The following DNMT3A variants were observed in gnomAD, a reference collection of about 807,000 sequenced individuals.
DNMT3A encodes the protein DNA methyltransferase 3 alpha.
In DNMT3A, 267 loss-of-function variants were observed where a neutral mutation model predicts 117.6. The observed-to-expected ratio is 2.27, with a 90% CI of 2.05 to 2.51. The LOEUF is 2.51. DNMT3A is among the 30% of genes most tolerant of loss of function. DNMT3A has a pLI of 0.00. For missense variants in DNMT3A, 1,029 were observed against 1,260.2 expected (o/e 0.82, Z 2.78); for synonymous variants, 432 against 474.8 (o/e 0.91, Z 1.17).
At chr2:25,280,063 G>C (rs1305001958) in intron 4 of DNMT3A, among the ~76,000 whole-genome samples, 1 of 152,040 alleles carries the variant, frequency 6.6e-6, no homozygotes, top group African/African-American at 2.4e-5. Flanking sequence ...AAGATTCTAA[G>C]GAAGATCCAC....
intron 1 of DNMT3A, among the ~76,000 whole-genome samples, chr2:25,318,168 C>T (rs561835839): frequency 6.6e-6 from 1 of 152,276 alleles, no homozygotes; most frequent in East Asian, 1.9e-4. Flanking sequence ...TTTAAGGATG[C>T]CAATACCAAC....
intron 1 of DNMT3A, among the ~76,000 whole-genome samples, chr2:25,318,022 A>C (rs1351408295): frequency 6.6e-6 from 1 of 152,172 alleles, no homozygotes; most frequent in Non-Finnish European, 1.5e-5. Context: ...GGCATGAGCC[A>C]CCGCGCCGGC....
At chr2:25,341,681 C>G in intron 1 of DNMT3A, 145 bp downstream of exon 1, 1 of 549,790 alleles carries the variant, frequency 1.8e-6, no homozygotes, top group Non-Finnish European at 2.3e-6. Context: ...AGTCCCGGCC[C>G]CACGGGCGCC....
rs942458220 is a variant in DNMT3A, at chr2:25,237,091, A to C, written c.2409-86T>G. 3 of 1,347,166 alleles carry C rather than the reference A, an allele frequency of 2.2e-6. No homozygotes were observed. In the South Asian group the frequency reaches 3.8e-5, roughly 17 times the overall value. 83.5% of individuals were successfully genotyped at this position (1,347,166 alleles called of 1,614,324 possible). A position where few individuals can be genotyped will look rare whatever the true frequency, so the allele number is the denominator to read the frequency against. ...GCTGCACGACTCCCCTCCCTCCCCCAGCAGCCACTAGTTCACAGGGTAAGA... is the reference window on the plus strand; with the variant it reads ...GCTGCACGACTCCCCTCCCTCCCCCCGCAGCCACTAGTTCACAGGGTAAGA... On this transcript the variant is annotated intron_variant, in intron 20 of 22. Coordinates refer to ENST00000321117, the MANE Select transcript of DNMT3A (RefSeq NM_022552.5). This position sits in a 1 kb window ranked among gnomAD's most constrained non-coding sequence, Gnocchi z 5.4.
rs2031894978 is a variant in DNMT3A at position 25,281,672 on chromosome 2, T to C, written c.448+769A>G. 5 of 1,065,524 alleles carry C rather than the reference T, an allele frequency of 4.7e-6. No individual in the cohort carries two copies. In the Admixed American group the frequency reaches 1.6e-4, roughly 34 times the overall value. The allele number at this position is 1,065,524 out of a possible 1,614,324, so 66.0% of individuals were successfully genotyped here. On this transcript the variant is annotated intron_variant, in intron 4 of 22. Coordinates refer to ENST00000321117, the MANE Select transcript of DNMT3A (RefSeq NM_022552.5). This position sits in a 1 kb window ranked among gnomAD's most constrained non-coding sequence, Gnocchi z 4.8. ...GTATGAGAAAGCGCTTTGTAAACTGTGAAGCCCTGTACAAATGCTAGTTGT... is the reference window on the plus strand; with the variant it reads ...GTATGAGAAAGCGCTTTGTAAACTGCGAAGCCCTGTACAAATGCTAGTTGT...
rs1672932283 is a variant in DNMT3A at position 25,232,677 on chromosome 2, A to C, written c.*1602T>G. The C allele has an allele frequency of 6.1e-6, 1 of 163,336 alleles. No homozygotes were observed. The highest frequency in any genetic ancestry group is 1.3e-4 in the East Asian group (1 of 7,590). The allele number at this position is 163,336 out of a possible 1,614,324, so 10.1% of individuals were successfully genotyped here. A position where few individuals can be genotyped will look rare whatever the true frequency, so the allele number is the denominator to read the frequency against. On this transcript the variant is annotated 3_prime_UTR_variant, in exon 23 of 23. Coordinates refer to ENST00000321117, the MANE Select transcript of DNMT3A (RefSeq NM_022552.5). The surrounding 1 kb of genome is among the most constrained non-coding windows in gnomAD (Gnocchi z 4.1). ...CCCGAGGGGTGGGAGCCAGGGCACC[A>C]GAGCCACCGCTAACTCAGAAGCACC... is the stretch of plus-strand genomic sequence containing the variant.
intron 6 of DNMT3A, among the ~76,000 whole-genome samples, chr2:25,258,324 G>A (rs886188006): frequency 3.9e-5 from 6 of 152,202 alleles, no homozygotes; most frequent in African/African-American, 9.7e-5. Context: ...GGAGAGGAGC[G>A]GCATTTGGGC....
At chr2:25,269,718 T>TC (rs2030697776) in intron 6 of DNMT3A, among the ~76,000 whole-genome samples, 1 of 152,116 alleles carries the variant, frequency 6.6e-6, no homozygotes, top group Non-Finnish European at 1.5e-5. Flanking sequence ...AGTAAGCAGG[T>TC]GAAGGAACAG....
Position 25,243,670 on chromosome 2 carries a change from C to G in DNMT3A, c.1936+228G>C, listed in dbSNP as rs141272943. On this transcript the variant is annotated intron_variant, in intron 16 of 22. Coordinates refer to ENST00000321117, the MANE Select transcript of DNMT3A (RefSeq NM_022552.5). ...GGCTGAATCTTCCTTACTAAGGAAG[C>G]GCCCAGCAGGCAGGCTGCTTTACCA... 2.0e-5 allele frequency among the ~76,000 whole-genome samples: 3 copies of G among 152,346 alleles called. No individual in the cohort carries two copies. In the South Asian group the frequency reaches 6.2e-4, roughly 32 times the overall value.
intron 22 of DNMT3A, among the ~76,000 whole-genome samples, chr2:25,235,430 C>T (rs1269328131): frequency 6.6e-6 from 1 of 152,136 alleles, no homozygotes; most frequent in Non-Finnish European, 1.5e-5. Context: ...GGTGATCCAC[C>T]CGCCTCGGCC....
At chr2:25,328,305 G>A (rs1465541543) in intron 1 of DNMT3A, among the ~76,000 whole-genome samples, 3 of 152,092 alleles carry the variant, frequency 2.0e-5, no homozygotes, top group East Asian at 1.9e-4. Context: ...CGCAGCCTCC[G>A]CCCACTGCTC....
At chr2:25,324,151 A>G (rs1008752224) in intron 1 of DNMT3A, among the ~76,000 whole-genome samples, 5 of 152,220 alleles carry the variant, frequency 3.3e-5, no homozygotes, top group African/African-American at 4.8e-5. Context: ...ACAGTATTCA[A>G]TGCCCTGCCC....
chr2:25,315,172 C>A (rs893127094), intron 1 of DNMT3A, among the ~76,000 whole-genome samples: 1 of 152,198 alleles, frequency 6.6e-6, no homozygotes, highest in African/African-American at 2.4e-5. Flanking sequence ...TTCCCCAGCT[C>A]CCCCTCCCTC....
Position 25,241,611 on chromosome 2 carries a change from TG to T in DNMT3A, c.2032del (p.Gln678ArgfsTer27). Reference protein sequence around the residue: ...DSITVGMVRHQGKIMYVGDVR... With the variant: ...DSITVGMVRHXGKIMYVGDVR... ...GTCCCCGACGTACATGATCTTCCCC[TG>T]GTGCCGCACCATGCCCACCGTGATG... On this transcript the variant is annotated frameshift_variant, in exon 17 of 23. Transcript: ENST00000321117. LOFTEE classifies it high-confidence loss of function. 6.2e-7 allele frequency: 1 copy of T among 1,613,850 alleles called. No individual in the cohort carries two copies. Among genetic ancestry groups the T allele is most frequent in the Non-Finnish European group, 8.5e-7 (1 of 1,179,918 alleles).
In DNMT3A at chr2:25,231,102, A is replaced by G. The variant is rs1382949023; in HGVS notation, c.*3177T>C. On this transcript the variant is annotated 3_prime_UTR_variant, in exon 23 of 23. Coordinates refer to ENST00000321117, the MANE Select transcript of DNMT3A (RefSeq NM_022552.5). ...AGTGGCTTGGGAGAGCCTGAGCCTT[A>G]GAAGACTCTGTCCTGACCCTGGGAG... 6.6e-6 allele frequency: 1 copy of G among 152,374 alleles called. No individual in the cohort carries two copies. The highest frequency in any genetic ancestry group is 2.4e-5 in the African/African-American group (1 of 41,464). The allele number at this position is 152,374 out of a possible 1,614,324, so 9.4% of individuals were successfully genotyped here.
Position 25,337,135 on chromosome 2 carries a change from A to G in DNMT3A, c.-178+4691T>C, listed in dbSNP as rs1354940631. On this transcript the variant is annotated intron_variant, in intron 1 of 22. Coordinates refer to ENST00000321117, the MANE Select transcript of DNMT3A (RefSeq NM_022552.5). This position sits in a 1 kb window ranked among gnomAD's most constrained non-coding sequence, Gnocchi z 5.0. ...GACAGGATGAGAATAACGAGCTGAAACTACAGCGGGAGGGATTTCAGGTGG... is the reference window on the plus strand; with the variant it reads ...GACAGGATGAGAATAACGAGCTGAAGCTACAGCGGGAGGGATTTCAGGTGG... Among the ~76,000 whole-genome samples the G allele has an allele frequency of 1.3e-5, 2 of 152,206 alleles. No homozygotes were observed. Among genetic ancestry groups the G allele is most frequent in the Non-Finnish European group, 2.9e-5 (2 of 68,034 alleles).
intron 1 of DNMT3A, chr2:25,314,773 A>T: frequency 1.1e-6 from 1 of 907,614 alleles, no homozygotes; most frequent in Non-Finnish European, 1.3e-6. Context: ...GGCCACGGCC[A>T]CACTGAGGCA....
chr2:25,311,409 G>A lies in DNMT3A; in HGVS notation c.72+2504C>T, dbSNP rs1490037470. The stretch of plus-strand genomic sequence containing the variant: ...CACCCTCCCTGGGCGGCTCCCTGGA[G>A]GTGCTGGAGCCAGCCCAGAGGTGCC... On this transcript the variant is annotated intron_variant, in intron 2 of 22. Transcript: ENST00000321117. The surrounding 1 kb of genome is among the most constrained non-coding windows in gnomAD (Gnocchi z 5.2). Among the ~76,000 whole-genome samples the A allele has an allele frequency of 1.3e-5, 2 of 152,180 alleles. No homozygotes were observed. Among genetic ancestry groups the A allele is most frequent in the Non-Finnish European group, 2.9e-5 (2 of 68,008 alleles).
intron 6 of DNMT3A, among the ~76,000 whole-genome samples, chr2:25,267,622 T>G (rs1339473613): frequency 6.6e-6 from 1 of 152,228 alleles, no homozygotes; most frequent in Non-Finnish European, 1.5e-5. Context: ...TTCACAAGAA[T>G]GTATTTGTGT....
Sources: allele counts gnomAD v4.1 joint callset (sites outside exome capture counted in the v4.1 genomes callset), GRCh38; gene constraint gnomAD v4.1.1; non-coding constraint Gnocchi (gnomAD v3.1); transcripts MANE v1.5; gene names NCBI Gene and HGNC (gene_info 2026-07-23, HGNC 2026-07-21).